The following NINJ2 variants were observed in gnomAD, a reference collection of about 807,000 sequenced individuals.
The protein encoded by NINJ2 is ninjurin 2, also known as ninjurin-2.
In NINJ2, 12 loss-of-function variants were observed where a neutral mutation model predicts 11.7. That is an observed-to-expected ratio of 1.02 (90% CI 0.66 to 1.66). NINJ2 has a LOEUF of 1.66. Ranked by LOEUF, NINJ2 falls within the 40% of genes most tolerant of loss-of-function variation. NINJ2 has a pLI of 0.00. For missense variants in NINJ2, 187 were observed against 181.8 expected (o/e 1.03, Z -0.16); for synonymous variants, 93 against 76.8 (o/e 1.21, Z -1.10).
intron 1 of NINJ2, among the ~76,000 whole-genome samples, chr12:609,390 C>G (rs1363374250): frequency 1.3e-5 from 2 of 152,282 alleles, no homozygotes; most frequent in South Asian, 2.1e-4. Flanking sequence ...GCAGAGCGGG[C>G]CTTCGCAAGG....
intron 1 of NINJ2, among the ~76,000 whole-genome samples, chr12:642,256 T>C (rs61916674): frequency 3.3e-5 from 5 of 152,186 alleles, no homozygotes; most frequent in Non-Finnish European, 7.3e-5. Context: ...GTAGTTTGTT[T>C]GTTTGTTTTT....
At chr12:597,075 T>C (rs565775059) in intron 1 of NINJ2, among the ~76,000 whole-genome samples, 1 of 152,332 alleles carries the variant, frequency 6.6e-6, no homozygotes, top group East Asian at 1.9e-4. Context: ...AACACACCTA[T>C]TAAGTACAAT....
chr12:593,338 C>T (rs552252920), intron 1 of NINJ2, among the ~76,000 whole-genome samples: 1 of 152,226 alleles, frequency 6.6e-6, no homozygotes, highest in African/African-American at 2.4e-5. Context: ...GAAAACCTAG[C>T]GATTGTTAAA....
chr12:651,652 A>C (rs568037854), intron 1 of NINJ2, among the ~76,000 whole-genome samples: 90 of 152,356 alleles, frequency 5.9e-4, no homozygotes, highest in Non-Finnish European at 1.2e-3. Context: ...TTATCAGACC[A>C]AGGATTTAAA....
At chr12:658,847 GTGTCAA>G (rs1937914814) in intron 1 of NINJ2, among the ~76,000 whole-genome samples, 1 of 151,916 alleles carries the variant, frequency 6.6e-6, no homozygotes, top group African/African-American at 2.4e-5. Flanking sequence ...TCATAATGAT[GTGTCAA>G]TGTAAGGCTC....
rs1947557776 is a variant in NINJ2, at chr12:581,669, G to A, written c.34-15491C>T. Among the ~76,000 whole-genome samples, 1 of 152,132 alleles carries A rather than the reference G, an allele frequency of 6.6e-6. No individual in the cohort carries two copies. Among genetic ancestry groups the A allele is most frequent in the East Asian group, 1.9e-4 (1 of 5,202 alleles). ...TCTGGGGAGAAGGTAAGCAGGGGAG[G>A]GCCGGCAAGTGGGTGCAGGGATCTG... On this transcript the variant is annotated intron_variant, in intron 1 of 3. Transcript: ENST00000305108. The surrounding 1 kb of genome is among the most constrained non-coding windows in gnomAD (Gnocchi z 4.9).
At chr12:623,261 C>T (rs575376695) in intron 1 of NINJ2, among the ~76,000 whole-genome samples, 1 of 152,292 alleles carries the variant, frequency 6.6e-6, no homozygotes, top group South Asian at 2.1e-4. Context: ...GAGCTGTGGG[C>T]CTGCAGACCT....
chr12:628,283 A>T lies in NINJ2; in HGVS notation c.33+35045T>A, dbSNP rs1272881498. On this transcript the variant is annotated intron_variant, in intron 1 of 3. Transcript: ENST00000305108. The surrounding 1 kb of genome is among the most constrained non-coding windows in gnomAD (Gnocchi z 4.4). ...GTTTCCCCTTCGTATGTACTCTGAGATCTCTATGAGGAGTCTTCCTAGAGG... is the reference window on the plus strand; with the variant it reads ...GTTTCCCCTTCGTATGTACTCTGAGTTCTCTATGAGGAGTCTTCCTAGAGG... 1.3e-5 allele frequency among the ~76,000 whole-genome samples: 2 copies of T among 151,968 alleles called. No homozygotes were observed. The highest frequency in any genetic ancestry group is 2.9e-5 in the Non-Finnish European group (2 of 67,932).
intron 1 of NINJ2, among the ~76,000 whole-genome samples, chr12:574,847 C>T (rs1021416631): frequency 1.3e-5 from 2 of 152,274 alleles, no homozygotes; most frequent in Non-Finnish European, 2.9e-5. Flanking sequence ...CACCCAGACC[C>T]TAGCTGGTCC....
At chr12:571,493 G>A (rs1947376009) in intron 1 of NINJ2, among the ~76,000 whole-genome samples, 1 of 152,204 alleles carries the variant, frequency 6.6e-6, no homozygotes, top group African/African-American at 2.4e-5. Flanking sequence ...CCATTCCTGG[G>A]CCTGCCCGGC....
rs1246523632 is a variant in NINJ2, at chr12:614,942, C to A, written c.33+48386G>T. ...TGGTCCCGAGCTCAAAAGATGCAGG[C>A]TTGAGGTCTTAACTGCTTCCATTTA... On this transcript the variant is annotated intron_variant, in intron 1 of 3. Coordinates refer to ENST00000305108, the MANE Select transcript of NINJ2 (RefSeq NM_016533.6). This position sits in a 1 kb window ranked among gnomAD's most constrained non-coding sequence, Gnocchi z 5.1. Among the ~76,000 whole-genome samples, 3 of 152,182 alleles carry A rather than the reference C, an allele frequency of 2.0e-5. No homozygotes were observed. The highest frequency in any genetic ancestry group is 4.4e-5 in the Non-Finnish European group (3 of 68,032).
At chr12:620,779 G>A (rs998049392) in intron 1 of NINJ2, among the ~76,000 whole-genome samples, 6 of 152,236 alleles carry the variant, frequency 3.9e-5, no homozygotes, top group Non-Finnish European at 7.4e-5. Context: ...ACAGGTGTGC[G>A]CCACAATGCC....
Position 570,638 on chromosome 12 carries a change from G to A in NINJ2, c.34-4460C>T, listed in dbSNP as rs376848928. ...ACCCAGCATGAGTCATTCCCGTTTC[G>A]CCGGACTCTTCGCCGCTGGCTCTCG... is the stretch of plus-strand genomic sequence containing the variant. On this transcript the variant is annotated intron_variant, in intron 1 of 3. Coordinates refer to ENST00000305108, the MANE Select transcript of NINJ2 (RefSeq NM_016533.6). Among the ~76,000 whole-genome samples, 228 of 152,304 alleles carry A rather than the reference G, an allele frequency of 1.5e-3. 3 individuals are homozygous for A. Among genetic ancestry groups the A allele is most frequent in the African/African-American group, 5.3e-3 (222 of 41,580 alleles).
intron 1 of NINJ2, among the ~76,000 whole-genome samples, chr12:660,360 CTT>C (rs577585379): frequency 5.8e-5 from 7 of 121,432 alleles, no homozygotes; most frequent in East Asian, 2.7e-4. Flanking sequence ...TTTTTCTTTT[CTT>C]TTTTTTTTTT....
intron 1 of NINJ2, among the ~76,000 whole-genome samples, chr12:597,009 T>A (rs930105207): frequency 3.3e-5 from 5 of 152,124 alleles, no homozygotes; most frequent in African/African-American, 7.2e-5. Context: ...CATGAAAAAC[T>A]TGTTAAAATT....
At chr12:631,219 G>T (rs140489035) in intron 1 of NINJ2, among the ~76,000 whole-genome samples, 8 of 152,262 alleles carry the variant, frequency 5.3e-5, no homozygotes, top group African/African-American at 1.9e-4. Context: ...CCGGACAAAC[G>T]TTCTGAAGGA....
intron 1 of NINJ2, among the ~76,000 whole-genome samples, chr12:592,572 TGCCTGTAATC>T (rs1947731340): frequency 6.6e-6 from 1 of 152,138 alleles, no homozygotes; most frequent in Non-Finnish European, 1.5e-5. Context: ...AGGTGGCGCA[TGCCTGTAATC>T]CCAGCTACTT....
intron 1 of NINJ2, among the ~76,000 whole-genome samples, chr12:641,312 C>T (rs1327942299): frequency 6.6e-6 from 1 of 151,938 alleles, no homozygotes; most frequent in Admixed American, 6.6e-5. Flanking sequence ...TCCCCCAACC[C>T]AACCCCCTCC....
At chr12:658,737 C>T (rs1015249705) in intron 1 of NINJ2, among the ~76,000 whole-genome samples, 1 of 151,016 alleles carries the variant, frequency 6.6e-6, no homozygotes, top group Non-Finnish European at 1.5e-5. Flanking sequence ...TAATGCTATG[C>T]TATGCTATAC....
Sources: gnomAD v4.1 joint callset for allele counts (sites outside exome capture counted in the v4.1 genomes callset) on GRCh38, gnomAD v4.1.1 for gene constraint, Gnocchi (gnomAD v3.1) non-coding constraint, MANE v1.5 for transcripts, NCBI Gene and HGNC (gene_info 2026-07-23, HGNC 2026-07-21) for gene names.